The following HS6ST3 variants were observed in gnomAD, a reference collection of about 807,000 sequenced individuals.
The protein encoded by HS6ST3 is heparan-sulfate 6-O-sulfotransferase 3.
A neutral mutation model predicts 36.7 loss-of-function variants in HS6ST3; 12 were observed. That is an observed-to-expected ratio of 0.33 (90% CI 0.21 to 0.53). HS6ST3 has a LOEUF of 0.53. HS6ST3 is among the 20% of genes least tolerant of loss of function. The pLI, the probability that HS6ST3 is intolerant of heterozygous loss-of-function variation, is 0.95. For missense variants in HS6ST3, 584 were observed against 640.9 expected (o/e 0.91, Z 0.96); for synonymous variants, 240 against 257.5 (o/e 0.93, Z 0.65).
At chr13:96,457,486 A>C (rs2139489307) in intron 1 of HS6ST3, among the ~76,000 whole-genome samples, 1 of 152,282 alleles carries the variant, frequency 6.6e-6, no homozygotes, top group Admixed American at 6.5e-5. Flanking sequence ...CAGAAACAGA[A>C]AATCATCCAA....
intron 1 of HS6ST3, among the ~76,000 whole-genome samples, chr13:96,372,908 T>A (rs2055296761): frequency 1.3e-5 from 2 of 152,118 alleles, no homozygotes; most frequent in Admixed American, 1.3e-4. Flanking sequence ...ACCCTTTTGT[T>A]CTTAGGTCAA....
chr13:96,094,746 C>A (rs2053781779), intron 1 of HS6ST3, among the ~76,000 whole-genome samples: 1 of 152,138 alleles, frequency 6.6e-6, no homozygotes, highest in African/African-American at 2.4e-5. Context: ...GGACCCCGGG[C>A]TGGTGGTTTG....
chr13:96,615,152 A>G (rs1269920124), intron 1 of HS6ST3, among the ~76,000 whole-genome samples: 1 of 152,158 alleles, frequency 6.6e-6, no homozygotes, highest in East Asian at 1.9e-4. Context: ...TAATGGAATG[A>G]AAAAAACCAC....
chr13:96,091,251 G>A lies in HS6ST3; in HGVS notation c.389G>A (p.Ser130Asn), dbSNP rs2053762387. 1 of 1,605,516 alleles carries A rather than the reference G, an allele frequency of 6.2e-7. No homozygotes were observed. ...CGATTCGTGCCGCGCTTCAACTTCA[G>A]CCTGAAGGACCTGACCCGCTTCGTG... is the stretch of plus-strand genomic sequence containing the variant. ...LPRFVPRFNF[S>N]LKDLTRFVDF... Residue 130 changes from serine (S) to asparagine (N), a missense_variant, in exon 1 of 2, where the codon AGC becomes AAC. By Grantham distance (46) the Ser-to-Asn change is conservative. Transcript: ENST00000376705.
intron 1 of HS6ST3, among the ~76,000 whole-genome samples, chr13:96,571,464 T>A (rs1351285940): frequency 6.6e-6 from 1 of 152,236 alleles, no homozygotes; most frequent in Non-Finnish European, 1.5e-5. Flanking sequence ...TGAAATGGAC[T>A]CTTATTGAAC....
intron 1 of HS6ST3, among the ~76,000 whole-genome samples, chr13:96,608,732 G>T (rs190512935): frequency 6.5e-4 from 99 of 152,214 alleles, no homozygotes; most frequent in Admixed American, 1.3e-3. Context: ...ACAGATATTG[G>T]AGTGATAAAG....
rs75783930 is a variant in HS6ST3, at chr13:96,108,907, T to G, written c.707+17338T>G. Reference sequence around the variant, plus strand: ...TGGGAACTCCAGGACAGTAAGGAGGTCACAGGGCAGCATTCCATGAAAGGT... The same window carrying G: ...TGGGAACTCCAGGACAGTAAGGAGGGCACAGGGCAGCATTCCATGAAAGGT... On this transcript the variant is annotated intron_variant, in intron 1 of 1. Transcript: ENST00000376705. Among the ~76,000 whole-genome samples, 279 of 151,958 alleles carry G rather than the reference T, an allele frequency of 1.8e-3. 1 individual carries two copies. Among genetic ancestry groups the G allele is most frequent in the African/African-American group, 6.3e-3 (263 of 41,424 alleles).
intron 1 of HS6ST3, among the ~76,000 whole-genome samples, chr13:96,378,853 G>A (rs1474787895): frequency 1.3e-5 from 2 of 152,160 alleles, no homozygotes; most frequent in Admixed American, 6.5e-5. Flanking sequence ...CAGTATCCCT[G>A]CTGGGTTTCA....
Position 96,255,402 on chromosome 13 carries a change from C to T in HS6ST3, c.707+163833C>T, listed in dbSNP as rs753831353. 4.3e-4 allele frequency among the ~76,000 whole-genome samples: 66 copies of T among 152,240 alleles called. 1 individual carries two copies. The highest frequency in any genetic ancestry group is 2.0e-3 in the Admixed American group (30 of 15,298). ...ATTATCAAATTTCTAATTATAGTATCAAGTATATTATATAGGCCTAGATTT... is the reference window on the plus strand; with the variant it reads ...ATTATCAAATTTCTAATTATAGTATTAAGTATATTATATAGGCCTAGATTT... On this transcript the variant is annotated intron_variant, in intron 1 of 1. Coordinates refer to ENST00000376705, the MANE Select transcript of HS6ST3 (RefSeq NM_153456.4).
Position 96,404,666 on chromosome 13 carries a change from G to A in HS6ST3, c.707+313097G>A, listed in dbSNP as rs528017045. Among the ~76,000 whole-genome samples the A allele has an allele frequency of 9.2e-5, 14 of 152,282 alleles. No individual in the cohort carries two copies. In the East Asian group the frequency reaches 2.7e-3, roughly 29 times the overall value. On this transcript the variant is annotated intron_variant, in intron 1 of 1. Coordinates refer to ENST00000376705, the MANE Select transcript of HS6ST3 (RefSeq NM_153456.4). ...CCAATAAGCCAAGAAGTTGGCAAAA[G>A]GCCAATACCTTAAAAGCAGCAAAAA... is the stretch of plus-strand genomic sequence containing the variant.
intron 1 of HS6ST3, among the ~76,000 whole-genome samples, chr13:96,455,498 G>T (rs1261593711): frequency 6.6e-6 from 1 of 152,010 alleles, no homozygotes; most frequent in Non-Finnish European, 1.5e-5. Flanking sequence ...AAAGTGCTTG[G>T]ATTACAGGCA....
intron 1 of HS6ST3, among the ~76,000 whole-genome samples, chr13:96,495,534 CTT>C (rs1249508703): frequency 1.3e-5 from 2 of 152,084 alleles, no homozygotes; most frequent in African/African-American, 2.4e-5. Context: ...GGAGATTGTT[CTT>C]TTTTTGTTGA....
chr13:96,344,664 G>A (rs1385625779), intron 1 of HS6ST3, among the ~76,000 whole-genome samples: 2 of 152,158 alleles, frequency 1.3e-5, no homozygotes, highest in Non-Finnish European at 2.9e-5. Flanking sequence ...ACCCTGAACT[G>A]TCCTCTATTA....
At chr13:96,580,577 T>C (rs1186287102) in intron 1 of HS6ST3, among the ~76,000 whole-genome samples, 1 of 152,118 alleles carries the variant, frequency 6.6e-6, no homozygotes, top group East Asian at 1.9e-4. Flanking sequence ...TTTGAACCTT[T>C]TAAAAATTTT....
chr13:96,438,832 G>A (rs1480044378), intron 1 of HS6ST3, among the ~76,000 whole-genome samples: 11 of 152,138 alleles, frequency 7.2e-5, no homozygotes, highest in Non-Finnish European at 8.8e-5. Context: ...GTGGGAGGCC[G>A]AAGTGGATGG....
chr13:96,598,489 G>A (rs1240448436), intron 1 of HS6ST3, among the ~76,000 whole-genome samples: 3 of 152,032 alleles, frequency 2.0e-5, no homozygotes, highest in African/African-American at 7.2e-5. Context: ...GCCATTGTTG[G>A]TATATAACAG....
Position 96,185,452 on chromosome 13 carries a change from C to T in HS6ST3, c.707+93883C>T, listed in dbSNP as rs531759387. On this transcript the variant is annotated intron_variant, in intron 1 of 1. Transcript: ENST00000376705. Reference sequence around the variant, plus strand: ...GTCTAATGAGTGGCAGGGTGAGGCCCCAGCCAAGGCCCATTGGCTGCACAC... The same window carrying T: ...GTCTAATGAGTGGCAGGGTGAGGCCTCAGCCAAGGCCCATTGGCTGCACAC... Among the ~76,000 whole-genome samples the T allele has an allele frequency of 8.5e-5, 13 of 152,318 alleles. 1 individual carries two copies. Among genetic ancestry groups the T allele is most frequent in the African/African-American group, 2.9e-4 (12 of 41,560 alleles).
chr13:96,521,661 G>A (rs532353466), intron 1 of HS6ST3, among the ~76,000 whole-genome samples: 1 of 152,324 alleles, frequency 6.6e-6, no homozygotes, highest in Admixed American at 6.5e-5. Context: ...AGTATTCTCT[G>A]ATGGTAGTTT....
intron 1 of HS6ST3, among the ~76,000 whole-genome samples, chr13:96,254,511 A>C (rs1365927235): frequency 6.1e-5 from 2 of 33,052 alleles, no homozygotes; most frequent in Non-Finnish European, 8.6e-5. Context: ...ACATACATAC[A>C]CACACACACT....
Sources: gnomAD v4.1 joint callset for allele counts (sites outside exome capture counted in the v4.1 genomes callset) on GRCh38, gnomAD v4.1.1 for gene constraint, MANE v1.5 for transcripts, NCBI Gene and HGNC (gene_info 2026-07-23, HGNC 2026-07-21) for gene names.